PPRC1: variants seen among roughly 807,000 people sequenced by gnomAD.
PPRC1 encodes PPARG related coactivator 1, also known as peroxisome proliferator-activated receptor gamma coactivator-related protein 1.
PPRC1 carries 23 observed loss-of-function variants against 132.5 expected under a neutral mutation model. That is an observed-to-expected ratio of 0.17 (90% CI 0.12 to 0.25). The LOEUF (loss-of-function observed/expected upper bound fraction) is 0.25. PPRC1 is among the 10% of genes least tolerant of loss of function. The pLI is 1.00. For synonymous variants in PPRC1, 872 were observed against 833.5 expected (o/e 1.05, Z -0.80); for missense variants, 2,006 against 2,089.1 (o/e 0.96, Z 0.78).
chr10:102,143,150 T>A (rs1156754934), intron 6 of PPRC1, 52 bp downstream of exon 6: 2 of 1,550,386 alleles, frequency 1.3e-6, no homozygotes, highest in Non-Finnish European at 1.8e-6. Flanking sequence ...TGATACTTTT[T>A]TGGGCCCAGC....
upstream of PPRC1, chr10:102,132,946 C>G (rs772898186): frequency 6.6e-6 from 8 of 1,219,422 alleles, no homozygotes; most frequent in Non-Finnish European, 8.2e-6. Context: ...GTGGGTCTCG[C>G]CGCACGGCTC....
chr10:102,129,674 G>A (rs1308414094), upstream of PPRC1, among the ~76,000 whole-genome samples: 2 of 152,000 alleles, frequency 1.3e-5, no homozygotes, highest in Non-Finnish European at 2.9e-5. Context: ...CGTGATCTTG[G>A]CTCACTGCAA....
chr10:102,145,444 G>C (rs529377287), intron 8 of PPRC1, among the ~76,000 whole-genome samples: 2 of 152,026 alleles, frequency 1.3e-5, no homozygotes, highest in Non-Finnish European at 2.9e-5. Context: ...GGTGGTACAC[G>C]CCTGTAGTCC....
intron 4 of PPRC1, 37 bp downstream of exon 4, chr10:102,139,017 T>G: frequency 2.5e-6 from 4 of 1,604,174 alleles, no homozygotes; most frequent in Non-Finnish European, 3.4e-6. Flanking sequence ...AACTCCCAGG[T>G]GGGAGGAGGA....
At chr10:102,129,174 G>A (rs61874818), upstream of PPRC1, among the ~76,000 whole-genome samples, 15 of 151,830 alleles carry the variant, frequency 9.9e-5, no homozygotes, top group South Asian at 6.2e-4. Context: ...CTCGTGATCC[G>A]CCCGCCTCGG....
rs1343022268 is a variant in PPRC1, at chr10:102,139,941, G to A, written c.1433G>A (p.Arg478Lys). Residue 478 changes from arginine to lysine, a missense_variant, in exon 5 of 14, where the codon AGG (arginine) becomes AAG (lysine). Arg to Lys is a conservative substitution (Grantham distance 26, BLOSUM62 2). Coordinates refer to ENST00000278070, the MANE Select transcript of PPRC1 (RefSeq NM_015062.5). ...PAACVEGYAR[R>K]LRSSSRGQST... ...GCCTGTGTGGAAGGCTATGCCAGGA[G>A]GCTGAGGTCATCTTCTCGCGGGCAG... is the stretch of plus-strand genomic sequence containing the variant. The A allele has an allele frequency of 6.2e-7, 1 of 1,614,256 alleles. No individual in the cohort carries two copies. The highest frequency in any genetic ancestry group is 8.5e-7 in the Non-Finnish European group (1 of 1,180,054).
At position 102,148,869 on chromosome 10, in the gene PPRC1, C is replaced by T; in HGVS notation, c.4670C>T (p.Ser1557Leu). Residue 1557 changes from serine (S) to leucine (L), a missense_variant, in exon 12 of 14, where the codon TCA (serine) becomes TTA (leucine). Physicochemically the swap from Ser to Leu is moderately radical, Grantham distance 145 (BLOSUM62 -2). This residue lies in a region of PPRC1 where 92 missense variants were observed against 171.9 expected (regional missense o/e 0.54). Coordinates refer to ENST00000278070, the MANE Select transcript of PPRC1 (RefSeq NM_015062.5). The surrounding 1 kb of genome is among the most constrained non-coding windows in gnomAD (Gnocchi z 4.2). Reference sequence around the variant, plus strand: ...AAGATACCTGGCCGCATGACTCGATCAGAGCTGAAACAGAGGTTCTCCGTT... The same window carrying T: ...AAGATACCTGGCCGCATGACTCGATTAGAGCTGAAACAGAGGTTCTCCGTT... ...IGKIPGRMTR[S>L]ELKQRFSVFG... is the part of the protein sequence containing the mutation. The T allele has an allele frequency of 6.2e-7, 1 of 1,614,200 alleles. No homozygotes were observed. Among genetic ancestry groups the T allele is most frequent in the Non-Finnish European group, 8.5e-7 (1 of 1,180,028 alleles).
At chr10:102,127,380 A>C in the PPRC1 span, among the ~76,000 whole-genome samples, 3 of 147,702 alleles carry the variant, frequency 2.0e-5, no homozygotes, top group African/African-American at 8.0e-5. Context: ...TCTCAAAAAA[A>C]TAAATAAAAT....
Position 102,145,001 on chromosome 10 carries a change from C to T in PPRC1, c.3609-19C>T. ...TGAGAAGGCAATGAATCAGGCTTTC[C>T]CTTTTCCCCCCCCGCCAGCGGCGTT... On this transcript the variant is annotated intron_variant, in intron 7 of 13. Transcript: ENST00000278070. 6.8e-7 allele frequency: 1 copy of T among 1,462,250 alleles called. No homozygotes were observed. The highest frequency in any genetic ancestry group is 1.2e-5 in the South Asian group (1 of 80,108). 90.6% of individuals were successfully genotyped at this position (1,462,250 alleles called of 1,614,324 possible). A position where few individuals can be genotyped will look rare whatever the true frequency, so the allele number is the denominator to read the frequency against.
the PPRC1 span, among the ~76,000 whole-genome samples, chr10:102,121,802 G>A: frequency 6.6e-6 from 1 of 152,184 alleles, no homozygotes; most frequent in African/African-American, 2.4e-5. Flanking sequence ...TTGTTACTTA[G>A]AGGGGTGTTG....
upstream of PPRC1, among the ~76,000 whole-genome samples, chr10:102,131,214 T>G (rs1435180702): frequency 6.7e-6 from 1 of 150,088 alleles, no homozygotes; most frequent in Non-Finnish European, 1.5e-5. Context: ...AAAAAAAAAT[T>G]AGCTGGGCAT....
Position 102,133,147 on chromosome 10 carries a change from G to T in PPRC1, c.79G>T (p.Ala27Ser). The change falls in exon 1 of 14, where the codon GCC becomes TCC. Residue 27 changes from alanine to serine, a missense_variant. Physicochemically the swap from Ala to Ser is moderately conservative, Grantham distance 99 (BLOSUM62 1). Transcript: ENST00000278070. Reference protein sequence around the residue: ...GGPGPDPGGGARGSGWGSRSQ... With the variant: ...GGPGPDPGGGSRGSGWGSRSQ... ...CCCCGGTCCGGACCCTGGCGGGGGA[G>T]CCCGCGGCAGTGGTTGGGGAAGTCG... 8.0e-7 allele frequency: 1 copy of T among 1,257,524 alleles called. No homozygotes were observed. The highest frequency in any genetic ancestry group is 1.0e-6 in the Non-Finnish European group (1 of 994,506). The allele number at this position is 1,257,524 out of a possible 1,614,324, so 77.9% of individuals were successfully genotyped here.
chr10:102,141,924 G>A lies in PPRC1; in HGVS notation c.3416G>A (p.Arg1139His), dbSNP rs367936633. ...VPKLPAVHPA[R>H]LRKLSFLPTP... ...AAGCTGCCTGCTGTCCACCCAGCCC[G>A]TCTAAGGAAGCTGTCCTTCCTGCCT... is the stretch of plus-strand genomic sequence containing the variant. Residue 1139 changes from arginine to histidine, a missense_variant, in exon 5 of 14, where the codon CGT becomes CAT. Transcript: ENST00000278070. 1.0e-4 allele frequency: 165 copies of A among 1,614,148 alleles called. No homozygotes were observed. The highest frequency in any genetic ancestry group is 3.5e-4 in the South Asian group (32 of 91,082).
chr10:102,138,936 G>T lies in PPRC1; in HGVS notation c.547G>T (p.Val183Phe), dbSNP rs759596634. The change falls in exon 4 of 14, where the codon GTT (valine) becomes TTT (phenylalanine). Residue 183 changes from valine (V) to phenylalanine (F), a missense_variant. This residue lies in a region of PPRC1 where 1,914 missense variants were observed against 1,917.2 expected (regional missense o/e 1.00). Coordinates refer to ENST00000278070, the MANE Select transcript of PPRC1 (RefSeq NM_015062.5). ...TPPERDLITPVDPLGPSTGSS... is the reference protein window; with the variant it reads ...TPPERDLITPFDPLGPSTGSS... ...CCCAGAACGTGACCTCATCACCCCA[G>T]TTGACCCACTGGGGCCCAGTACAGG... The T allele has an allele frequency of 1.2e-5, 20 of 1,614,168 alleles. No individual in the cohort carries two copies. The highest frequency in any genetic ancestry group is 1.5e-5 in the Non-Finnish European group (18 of 1,180,016).
chr10:102,126,078 T>C, the PPRC1 span, among the ~76,000 whole-genome samples: 1 of 152,082 alleles, frequency 6.6e-6, no homozygotes, highest in Non-Finnish European at 1.5e-5. Flanking sequence ...GTCAGGCTCA[T>C]CTCGAATTCC....
At chr10:102,149,519 T>G (rs1469553438) in intron 13 of PPRC1, among the ~76,000 whole-genome samples, 190 bp downstream of exon 13, 1 of 151,768 alleles carries the variant, frequency 6.6e-6, no homozygotes, top group African/African-American at 2.4e-5. Flanking sequence ...AATCACGAGG[T>G]CAGGAGTTCG....
chr10:102,146,770 G>A lies in PPRC1; in HGVS notation c.3778G>A (p.Glu1260Lys). ...KAKSPKSTAQ[E>K]GTLKPEGVTE... Reference sequence around the variant, plus strand: ...CAAATCTCCTAAGTCCACCGCCCAGGAGGGAACCCTGAAGCCTGAAGGAGT... The same window carrying A: ...CAAATCTCCTAAGTCCACCGCCCAGAAGGGAACCCTGAAGCCTGAAGGAGT... The change falls in exon 9 of 14, where the codon GAG becomes AAG. Residue 1260 changes from glutamate (E) to lysine (K), a missense_variant. By Grantham distance (56) the Glu-to-Lys change is moderately conservative (BLOSUM62 1). This residue lies in a region of PPRC1 where 1,914 missense variants were observed against 1,917.2 expected (regional missense o/e 1.00). Transcript: ENST00000278070. The A allele has an allele frequency of 6.2e-7, 1 of 1,614,092 alleles. No individual in the cohort carries two copies. Among genetic ancestry groups the A allele is most frequent in the Non-Finnish European group, 8.5e-7 (1 of 1,180,020 alleles).
the PPRC1 span, among the ~76,000 whole-genome samples, chr10:102,124,405 C>G: frequency 6.6e-6 from 1 of 151,924 alleles, no homozygotes; most frequent in Non-Finnish European, 1.5e-5. Context: ...ACTCTGTTGC[C>G]CAGGCTGGAG....
upstream of PPRC1, among the ~76,000 whole-genome samples, chr10:102,128,920 A>G (rs1590303200): frequency 6.0e-5 from 7 of 116,872 alleles, no homozygotes; most frequent in Admixed American, 5.9e-4. Flanking sequence ...GGCCAGCGGC[A>G]GTCTTTTTTT....
Sources: gnomAD v4.1 joint callset for allele counts (sites outside exome capture counted in the v4.1 genomes callset) on GRCh38, gnomAD v4.1.1 for gene constraint, gnomAD v4.1.1 regional missense constraint, Gnocchi (gnomAD v3.1) non-coding constraint, MANE v1.5 for transcripts, NCBI Gene and HGNC (gene_info 2026-07-23, HGNC 2026-07-21) for gene names.